FAM76A: variants seen among roughly 807,000 people sequenced by gnomAD.
FAM76A encodes the protein protein FAM76A.
A neutral mutation model predicts 46.2 loss-of-function variants in FAM76A; 32 were observed. The observed-to-expected ratio is 0.69, with a 90% CI of 0.52 to 0.93. FAM76A has a LOEUF of 0.93. Ranked by LOEUF, FAM76A falls within the 40% of genes least tolerant of loss-of-function variation. FAM76A has a pLI of 0.00. For missense variants in FAM76A, 274 were observed against 361.5 expected (o/e 0.76, Z 1.96); for synonymous variants, 137 against 127.0 (o/e 1.08, Z -0.53).
chr1:27,756,766 A>G (rs1239772708), intron 7 of FAM76A, among the ~76,000 whole-genome samples: 1 of 151,214 alleles, frequency 6.6e-6, no homozygotes, highest in African/African-American at 2.4e-5. Flanking sequence ...TCTAAATAGT[A>G]TCTCATTTTT....
At position 27,763,025 on chromosome 1, in the gene FAM76A, G is replaced by A. The variant is rs1316077200; in HGVS notation, c.*2444G>A. 6.6e-6 allele frequency: 1 copy of A among 152,124 alleles called. No individual in the cohort carries two copies. The highest frequency in any genetic ancestry group is 6.6e-5 in the Admixed American group (1 of 15,264). The allele number at this position is 152,124 out of a possible 1,614,324, so 9.4% of individuals were successfully genotyped here. On this transcript the variant is annotated 3_prime_UTR_variant, in exon 9 of 9. Transcript: ENST00000373954. ...GGTAACACCTTTTGTTTCTTTGTAT[G>A]TTTGTAATAATGGACATTTTAAAAC...
At position 27,749,017 on chromosome 1, in the gene FAM76A, T is replaced by G. The variant is rs946508353; in HGVS notation, c.513-51T>G. Reference sequence around the variant, plus strand: ...TTTGACAGACTTTCATTGTGATGTTTTGTTAATCTTTGATTTCTAATGTGT... The same window carrying G: ...TTTGACAGACTTTCATTGTGATGTTGTGTTAATCTTTGATTTCTAATGTGT... On this transcript the variant is annotated intron_variant, in intron 5 of 8. Coordinates refer to ENST00000373954, the MANE Select transcript of FAM76A (RefSeq NM_152660.3). 1.2e-5 allele frequency: 15 copies of G among 1,236,246 alleles called. No individual in the cohort carries two copies. The Admixed American group carries it at 2.9e-4, about 24-fold the overall frequency. The allele number at this position is 1,236,246 out of a possible 1,614,324, so 76.6% of individuals were successfully genotyped here.
chr1:27,744,734 C>G lies in FAM76A; in HGVS notation c.435C>G (p.His145Gln). 1 of 1,614,158 alleles carries G rather than the reference C, an allele frequency of 6.2e-7. No individual in the cohort carries two copies. Among genetic ancestry groups the G allele is most frequent in the Non-Finnish European group, 8.5e-7 (1 of 1,180,028 alleles). The change falls in exon 5 of 9, where the codon CAC becomes CAG. Residue 145 changes from histidine (H) to glutamine (Q), a missense_variant. Transcript: ENST00000373954. ...AGAAGACCAAAGAGCAGAGGAAACACCTGAGTAGCTCTTCTCGTGCTGGCC... is the reference window on the plus strand; with the variant it reads ...AGAAGACCAAAGAGCAGAGGAAACAGCTGAGTAGCTCTTCTCGTGCTGGCC... ...VLQKTKEQRK[H>Q]LSSSSRAGHQ...
chr1:27,747,077 A>G (rs1221724018), intron 5 of FAM76A, among the ~76,000 whole-genome samples: 2 of 152,124 alleles, frequency 1.3e-5, no homozygotes, highest in East Asian at 1.9e-4. Flanking sequence ...CACTCTCTCT[A>G]AAATTAAAAA....
chr1:27,733,464 A>G (rs1365102041), intron 3 of FAM76A, among the ~76,000 whole-genome samples: 1 of 152,222 alleles, frequency 6.6e-6, no homozygotes, highest in Non-Finnish European at 1.5e-5. Context: ...AAGTCTCTGC[A>G]TACATACTAA....
chr1:27,755,298 A>G lies in FAM76A; in HGVS notation c.703A>G (p.Lys235Glu). The stretch of plus-strand genomic sequence containing the variant: ...TACCCTGAAGAAGATGTTGCATCAA[A>G]AGGATCAAATGATTTTAGAGAAAGA... ...VATLKKMLHQ[K>E]DQMILEKEKK... The change falls in exon 7 of 9, where the codon AAG becomes GAG. Residue 235 changes from lysine to glutamate, a missense_variant. By Grantham distance (56) the Lys-to-Glu change is moderately conservative. Transcript: ENST00000373954. The G allele has an allele frequency of 6.2e-7, 1 of 1,614,224 alleles. No individual in the cohort carries two copies. Among genetic ancestry groups the G allele is most frequent in the South Asian group, 1.1e-5 (1 of 91,086 alleles).
Position 27,726,027 on chromosome 1 carries a change from C to G in FAM76A, c.-54C>G. 8.0e-7 allele frequency: 1 copy of G among 1,243,132 alleles called. No individual in the cohort carries two copies. The highest frequency in any genetic ancestry group is 1.0e-6 in the Non-Finnish European group (1 of 987,042). The allele number at this position is 1,243,132 out of a possible 1,614,324, so 77.0% of individuals were successfully genotyped here. ...GCCGCCGGGTTGTGCCTCAGACTGT[C>G]AGATAAATCGGCGGGCCGGGCCGGC... On this transcript the variant is annotated 5_prime_UTR_variant, in exon 1 of 9. Transcript: ENST00000373954.
At chr1:27,739,646 G>T (rs1480459246) in intron 4 of FAM76A, among the ~76,000 whole-genome samples, 1 of 152,078 alleles carries the variant, frequency 6.6e-6, no homozygotes, top group East Asian at 1.9e-4. Context: ...AAATTAGCAG[G>T]ATGTGGTGGT....
At chr1:27,729,159 A>T (rs1367882665) in intron 2 of FAM76A, among the ~76,000 whole-genome samples, 1 of 151,920 alleles carries the variant, frequency 6.6e-6, no homozygotes, top group African/African-American at 2.4e-5. Flanking sequence ...CCTATTTTTA[A>T]TTATTCATTT....
intron 4 of FAM76A, chr1:27,739,270 A>G (rs1184066934): frequency 2.1e-5 from 11 of 518,100 alleles, no homozygotes; most frequent in Admixed American, 1.6e-4. Context: ...GTGTTCGCCT[A>G]CTGCCAAGTA....
intron 7 of FAM76A, among the ~76,000 whole-genome samples, chr1:27,758,679 GTTTTTTT>G (rs35065746): frequency 9.0e-6 from 1 of 111,302 alleles, no homozygotes; most frequent in East Asian, 2.3e-4. Flanking sequence ...TTTAATTTTC[GTTTTTTT>G]TTTTTTTTTT....
chr1:27,739,486 A>G (rs1372401224), intron 4 of FAM76A: 2 of 403,722 alleles, frequency 5.0e-6, no homozygotes, highest in Admixed American at 3.2e-5. Flanking sequence ...TTGTTCTAGT[A>G]TAAAAAAAAA....
intron 6 of FAM76A, among the ~76,000 whole-genome samples, chr1:27,753,128 G>T (rs1322620316): frequency 6.6e-6 from 1 of 152,200 alleles, no homozygotes; most frequent in East Asian, 1.9e-4. Context: ...GGTGAGCCGA[G>T]ATCATGCCAT....
chr1:27,748,126 T>TTG (rs1202756346), intron 5 of FAM76A, among the ~76,000 whole-genome samples: 39 of 139,906 alleles, frequency 2.8e-4, no homozygotes, highest in African/African-American at 1.0e-3. Flanking sequence ...AGAAGTTTTT[T>TTG]TTTTTTTTTT....
chr1:27,739,215 G>T (rs1032856030), intron 4 of FAM76A: 3 of 466,852 alleles, frequency 6.4e-6, no homozygotes, highest in African/African-American at 6.0e-5. Flanking sequence ...TGCCCCTATT[G>T]TATGCATGCT....
Position 27,738,403 on chromosome 1 carries a change from T to C in FAM76A, c.354+4220T>C, listed in dbSNP as rs1032032281. Among the ~76,000 whole-genome samples the C allele has an allele frequency of 1.3e-5, 2 of 151,898 alleles. 1 individual carries two copies. The highest frequency in any genetic ancestry group is 6.8e-3 in the Middle Eastern group (2 of 294). On this transcript the variant is annotated intron_variant, in intron 4 of 8. Transcript: ENST00000373954. Reference sequence around the variant, plus strand: ...TACTCAGGAGACTGAGGCAGGAGAATAGCTTGAATCCTGCAGTGAGCCAAG... The same window carrying C: ...TACTCAGGAGACTGAGGCAGGAGAACAGCTTGAATCCTGCAGTGAGCCAAG...
intron 6 of FAM76A, among the ~76,000 whole-genome samples, chr1:27,752,685 C>T (rs569684570): frequency 6.6e-6 from 1 of 152,294 alleles, no homozygotes; most frequent in Non-Finnish European, 1.5e-5. Flanking sequence ...TATAGAGAGG[C>T]AGGTTTTGGC....
In FAM76A at chr1:27,760,477, G is replaced by A; in HGVS notation, c.838-18G>A. On this transcript the variant is annotated intron_variant, in intron 8 of 8. Coordinates refer to ENST00000373954, the MANE Select transcript of FAM76A (RefSeq NM_152660.3). ...CTGTTTGAAACATCCTTCTTGCACT[G>A]ATTTTTTTTTTCTTTAGGCCAAAAA... is the stretch of plus-strand genomic sequence containing the variant. 1.3e-6 allele frequency: 2 copies of A among 1,594,772 alleles called. No homozygotes were observed. The highest frequency in any genetic ancestry group is 1.7e-6 in the Non-Finnish European group (2 of 1,167,136).
chr1:27,754,233 A>G (rs2088375696), intron 6 of FAM76A, among the ~76,000 whole-genome samples: 1 of 151,292 alleles, frequency 6.6e-6, no homozygotes, highest in Non-Finnish European at 1.5e-5. Flanking sequence ...CAGCCTCCCA[A>G]GTAGCTGGGA....
Sources: gnomAD v4.1 joint callset for allele counts (sites outside exome capture counted in the v4.1 genomes callset) on GRCh38, gnomAD v4.1.1 for gene constraint, MANE v1.5 for transcripts, NCBI Gene and HGNC (gene_info 2026-07-23, HGNC 2026-07-21) for gene names.